NAV2: variants seen among roughly 807,000 people sequenced by gnomAD.
NAV2 encodes neuron navigator 2, also known as helicase, APC down-regulated 1.
A neutral mutation model predicts 223.2 loss-of-function variants in NAV2; 54 were observed. The observed-to-expected ratio is 0.24, with a 90% CI of 0.19 to 0.30. NAV2 has a LOEUF of 0.30. NAV2 is among the 10% of genes least tolerant of loss of function. The pLI is 1.00. For synonymous variants in NAV2, 1,279 were observed against 1,239.3 expected (o/e 1.03, Z -0.67); for missense variants, 2,806 against 3,147.5 (o/e 0.89, Z 2.60).
In NAV2 at chr11:19,998,445, CT is replaced by C. The variant is rs2052166799; in HGVS notation, c.2768+14200del. Reference sequence around the variant, plus strand: ...TTCTCCACCCAGAAGCTATTGTAACCTTAACATATACATCAGATCTCCTCTG... The same window carrying C: ...TTCTCCACCCAGAAGCTATTGTAACCTAACATATACATCAGATCTCCTCTG... On this transcript the variant is annotated intron_variant, in intron 11 of 37. Transcript: ENST00000349880. The surrounding 1 kb of genome is among the most constrained non-coding windows in gnomAD (Gnocchi z 5.0). Among the ~76,000 whole-genome samples, 2 of 152,104 alleles carry C rather than the reference CT, an allele frequency of 1.3e-5. No homozygotes were observed. The highest frequency in any genetic ancestry group is 4.8e-5 in the African/African-American group (2 of 41,420).
At position 20,107,799 on chromosome 11, in the gene NAV2, G is replaced by T. The variant is rs1349646272; in HGVS notation, c.6960+17G>T. ...GGACTCCAGGTGAGAAGACACCCCT[G>T]CTGGCTTCCTTGAAGCTGAGGGGGA... On this transcript the variant is annotated intron_variant, in intron 36 of 37. Transcript: ENST00000349880. 9 of 1,555,348 alleles carry T rather than the reference G, an allele frequency of 5.8e-6. No individual in the cohort carries two copies. Among genetic ancestry groups the T allele is most frequent in the East Asian group, 2.2e-5 (1 of 44,624 alleles).
intron 1 of NAV2, among the ~76,000 whole-genome samples, chr11:19,449,473 C>G (rs940494926): frequency 3.3e-5 from 5 of 152,084 alleles, no homozygotes; most frequent in African/African-American, 1.2e-4. Flanking sequence ...ACCAACCCCA[C>G]AGGGAGGGCT....
chr11:19,981,013 C>T (rs1244748975), intron 10 of NAV2, among the ~76,000 whole-genome samples: 2 of 152,104 alleles, frequency 1.3e-5, no homozygotes, highest in Admixed American at 6.6e-5. Flanking sequence ...AGGTAAGTTC[C>T]CCATTTTCCT....
intron 8 of NAV2, 100 bp downstream of exon 8, chr11:19,939,873 T>A: frequency 1.4e-6 from 1 of 699,470 alleles, no homozygotes; most frequent in Non-Finnish European, 2.4e-6. Context: ...CGAGTTGCAT[T>A]ATGTTTGCAT....
chr11:19,890,568 A>G (rs1017424529), intron 5 of NAV2, among the ~76,000 whole-genome samples: 5 of 152,220 alleles, frequency 3.3e-5, no homozygotes, highest in African/African-American at 7.2e-5. Context: ...GAACAAGTCC[A>G]TAATCCTTTT....
At chr11:20,094,545 A>G (rs1435307773) in intron 29 of NAV2, among the ~76,000 whole-genome samples, 3 of 152,134 alleles carry the variant, frequency 2.0e-5, no homozygotes, top group African/African-American at 7.2e-5. Flanking sequence ...TCATTCTTAC[A>G]GTAAATGCAG....
chr11:19,980,715 T>C (rs1297196543), intron 10 of NAV2, among the ~76,000 whole-genome samples: 3 of 152,262 alleles, frequency 2.0e-5, no homozygotes, highest in African/African-American at 7.2e-5. Flanking sequence ...AGCCAATTCC[T>C]ATACAAATTT....
rs751353656 is a variant in NAV2 at position 19,945,115 on chromosome 11, C to CCTCTT, written c.2147-1286_2147-1285insCTCTT. Among the ~76,000 whole-genome samples the CCTCTT allele has an allele frequency of 3.0e-3, 392 of 129,500 alleles. 7 individuals carry two copies. Among genetic ancestry groups the CCTCTT allele is most frequent in the East Asian group, 8.9e-3 (38 of 4,266 alleles). 85.0% of individuals were successfully genotyped at this position (129,500 alleles called of 152,430 possible). On this transcript the variant is annotated intron_variant, in intron 8 of 37. Transcript: ENST00000349880. Reference sequence around the variant, plus strand: ...CTTCTCTTCTCTTCTTTCTTTTTTTCTCTTTCTTTCTTTCTTTCTTTCTTC... The same window carrying CCTCTT: ...CTTCTCTTCTCTTCTTTCTTTTTTTCCTCTTTCTTTCTTTCTTTCTTTCTTTCTTC...
At chr11:19,538,504 C>T (rs1030854178) in intron 1 of NAV2, among the ~76,000 whole-genome samples, 8 of 146,772 alleles carry the variant, frequency 5.5e-5, no homozygotes, top group Non-Finnish European at 1.0e-4. Flanking sequence ...CCACACCTGG[C>T]TAACTTTTGT....
intron 11 of NAV2, among the ~76,000 whole-genome samples, chr11:19,997,987 C>A (rs1401315794): frequency 1.3e-5 from 2 of 152,056 alleles, no homozygotes; most frequent in Non-Finnish European, 2.9e-5. Flanking sequence ...CCTTAACATG[C>A]CTTTGGAACA....
chr11:19,547,490 C>T (rs1169251467), intron 1 of NAV2, among the ~76,000 whole-genome samples: 2 of 152,192 alleles, frequency 1.3e-5, no homozygotes, highest in Non-Finnish European at 2.9e-5. Flanking sequence ...TCTTTTCCAT[C>T]CCCCCTTGGC....
chr11:19,552,800 G>T (rs1036868042), intron 1 of NAV2, among the ~76,000 whole-genome samples: 1 of 151,880 alleles, frequency 6.6e-6, no homozygotes, highest in African/African-American at 2.4e-5. Flanking sequence ...CTCTCCGAGG[G>T]GCTGTTTCCT....
chr11:19,402,100 A>G (rs1409412393), intron 1 of NAV2: 6 of 152,176 alleles, frequency 3.9e-5, no homozygotes, highest in Non-Finnish European at 8.8e-5. Context: ...TGAAGTCCAA[A>G]GGGGTAGTGG....
intron 1 of NAV2, among the ~76,000 whole-genome samples, chr11:19,785,275 C>A (rs957497645): frequency 2.0e-5 from 3 of 152,226 alleles, no homozygotes; most frequent in Non-Finnish European, 4.4e-5. Context: ...GGCCCAGGGC[C>A]TCATGGCCTG....
chr11:19,656,817 C>T (rs980035283), intron 1 of NAV2, among the ~76,000 whole-genome samples: 2 of 152,086 alleles, frequency 1.3e-5, no homozygotes, highest in Admixed American at 6.6e-5. Context: ...AACAAGGAAG[C>T]GGTCGGATTC....
chr11:20,100,106 T>C (rs1295000875), intron 31 of NAV2, among the ~76,000 whole-genome samples: 1 of 152,218 alleles, frequency 6.6e-6, no homozygotes, highest in Non-Finnish European at 1.5e-5. Context: ...TTACTTTTTA[T>C]TAATTTTGCT....
At chr11:20,036,234 C>G (rs1851949356) in intron 12 of NAV2, 137 bp downstream of exon 12, 1 of 971,022 alleles carries the variant, frequency 1.0e-6, no homozygotes, top group South Asian at 1.6e-5. Flanking sequence ...CCTGCCGCCT[C>G]TGCTCTCACC....
Position 19,788,968 on chromosome 11 carries a change from T to C in NAV2, c.268-43516T>C, listed in dbSNP as rs77303745. 3.0e-4 allele frequency among the ~76,000 whole-genome samples: 45 copies of C among 152,292 alleles called. 1 individual carries two copies. The East Asian group carries it at 7.3e-3, about 25-fold the overall frequency. Reference sequence around the variant, plus strand: ...CTATGCCAGTTAGTAACAGGCTGTCTTCTTGAAATATTGCTGGCTCTCATG... The same window carrying C: ...CTATGCCAGTTAGTAACAGGCTGTCCTCTTGAAATATTGCTGGCTCTCATG... On this transcript the variant is annotated intron_variant, in intron 1 of 37. Transcript: ENST00000349880.
intron 1 of NAV2, among the ~76,000 whole-genome samples, chr11:19,378,169 C>T (rs542749424): frequency 6.6e-6 from 1 of 152,276 alleles, no homozygotes; most frequent in East Asian, 1.9e-4. Flanking sequence ...TTCTCCCATC[C>T]GCTTCTGCTG....
Sources: gnomAD v4.1 joint callset for allele counts (sites outside exome capture counted in the v4.1 genomes callset) on GRCh38, gnomAD v4.1.1 for gene constraint, Gnocchi (gnomAD v3.1) non-coding constraint, MANE v1.5 for transcripts, NCBI Gene and HGNC (gene_info 2026-07-23, HGNC 2026-07-21) for gene names.